Variants in EPS8L2 observed in about 807,000 individuals in gnomAD.
EPS8L2 encodes the protein EPS8 signaling adaptor L2.
A neutral mutation model predicts 99.4 loss-of-function variants in EPS8L2; 81 were observed. That is an observed-to-expected ratio of 0.82 (90% CI 0.68 to 0.98). EPS8L2 has a LOEUF of 0.98. Among genes scored for constraint, EPS8L2 ranks in the 50% least tolerant of loss-of-function variants. The pLI, the probability that EPS8L2 is intolerant of heterozygous loss-of-function variation, is 0.00. For missense variants in EPS8L2, 1,155 were observed against 968.8 expected (o/e 1.19, Z -2.55); for synonymous variants, 509 against 407.3 (o/e 1.25, Z -3.01).
In EPS8L2 at chr11:720,656, G is replaced by A. The variant is rs1168654741; in HGVS notation, c.387G>A (p.Gln129=). The change falls in exon 6 of 21, where the codon CAG becomes CAA. Residue 129 remains glutamine (Q), a synonymous_variant. Transcript: ENST00000318562. ...AGCGCAGCCAGACGGTCCTCAACCA[G>A]CTGCGCTACCCGTCTGTGCTGCTGC... ...TVQRSQTVLN[Q]LRYPSVLLLV... is the part of the protein sequence containing the mutation. 3 of 1,598,094 alleles carry A rather than the reference G, an allele frequency of 1.9e-6. No individual in the cohort carries two copies. The highest frequency in any genetic ancestry group is 1.3e-5 in the African/African-American group (1 of 74,838).
chr11:715,013 T>A lies in EPS8L2; in HGVS notation c.165+4527T>A, dbSNP rs368047196. Among the ~76,000 whole-genome samples, 93 of 152,036 alleles carry A rather than the reference T, an allele frequency of 6.1e-4. 1 individual carries two copies. The East Asian group carries it at 8.2e-3, about 13-fold the overall frequency. On this transcript the variant is annotated intron_variant, in intron 4 of 20. Transcript: ENST00000318562. ...ATCCCAGCACTTTGGGAGGCTGAGGTGGGCAGATCACAAGGTCAGGAGATC... is the reference window on the plus strand; with the variant it reads ...ATCCCAGCACTTTGGGAGGCTGAGGAGGGCAGATCACAAGGTCAGGAGATC...
At position 727,526 on chromosome 11, in the gene EPS8L2, C is replaced by G; in HGVS notation, c.*545C>G. On this transcript the variant is annotated 3_prime_UTR_variant, in exon 21 of 21. Coordinates refer to ENST00000318562, the MANE Select transcript of EPS8L2 (RefSeq NM_022772.4). ...CAAGGGCCGACAACGCAGGGGACAC[C>G]GTGCCGGCTTCAGACACTCCCAGCG... 6.5e-6 allele frequency: 1 copy of G among 153,320 alleles called. No homozygotes were observed. The highest frequency in any genetic ancestry group is 1.5e-5 in the Non-Finnish European group (1 of 68,536). 9.5% of individuals were successfully genotyped at this position (153,320 alleles called of 1,614,324 possible).
chr11:721,662 G>GGAA lies in EPS8L2; in HGVS notation c.874_876dup (p.Lys292dup), dbSNP rs753802954. The GGAA allele has an allele frequency of 6.3e-7, 1 of 1,588,362 alleles. No homozygotes were observed. Among genetic ancestry groups the GGAA allele is most frequent in the East Asian group, 2.2e-5 (1 of 44,610 alleles). On this transcript the variant is annotated inframe_insertion, in exon 10 of 21. Coordinates refer to ENST00000318562, the MANE Select transcript of EPS8L2 (RefSeq NM_022772.4). ...AAGCAGCTGAACCAGCGGAAAAAGGGGAAGAAGAAGGGCAAGAAGGCGCCA... is the reference window on the plus strand; with the variant it reads ...AAGCAGCTGAACCAGCGGAAAAAGGGGAAGAAGAAGAAGGGCAAGAAGGCGCCA...
Position 726,079 on chromosome 11 carries a change from T to C in EPS8L2, c.1681-19T>C. The stretch of plus-strand genomic sequence containing the variant: ...CGGGGGCGGGGCGTGGGGAGCCTAA[T>C]CGCCCCCCGCCCCCGCAGGCCGGTC... On this transcript the variant is annotated intron_variant, in intron 17 of 20. Coordinates refer to ENST00000318562, the MANE Select transcript of EPS8L2 (RefSeq NM_022772.4). The C allele has an allele frequency of 6.7e-7, 1 of 1,496,034 alleles. No individual in the cohort carries two copies. The highest frequency in any genetic ancestry group is 1.2e-5 in the South Asian group (1 of 84,432). The allele number at this position is 1,496,034 out of a possible 1,614,324, so 92.7% of individuals were successfully genotyped here.
chr11:722,049 C>T (rs779783861), intron 11 of EPS8L2, 42 bp from the exon 12 acceptor site: 1 of 1,606,876 alleles, frequency 6.2e-7, no homozygotes, highest in South Asian at 1.1e-5. Flanking sequence ...GGGTGGAGGC[C>T]CCGCCCCGCC....
chr11:726,789 C>A (rs1442117503), intron 20 of EPS8L2, 38 bp downstream of exon 20: 2 of 1,579,144 alleles, frequency 1.3e-6, no homozygotes, highest in African/African-American at 1.3e-5. Flanking sequence ...GCCCCTCCTG[C>A]CCCTGCGCCC....
chr11:715,153 A>G (rs1861988636), intron 4 of EPS8L2, among the ~76,000 whole-genome samples: 1 of 151,918 alleles, frequency 6.6e-6, no homozygotes, highest in African/African-American at 2.4e-5. Context: ...GAGGCAGGAG[A>G]ATGGCGTGAA....
chr11:708,297 G>A (rs1861785103), intron 1 of EPS8L2, among the ~76,000 whole-genome samples: 1 of 152,212 alleles, frequency 6.6e-6, no homozygotes, highest in Admixed American at 6.5e-5. Context: ...CTGGTTCAGG[G>A]CCATCAGGCT....
At position 722,169 on chromosome 11, in the gene EPS8L2, C is replaced by A; in HGVS notation, c.1059+4C>A. On this transcript the variant is annotated splice_donor_region_variant and intron_variant, in intron 12 of 20. Transcript: ENST00000318562. ...CCTCTTCGGGCCTCTGGACCTGGTG[C>A]CTGGGGCCGGGCGGCAGGGGCGCGC... is the stretch of plus-strand genomic sequence containing the variant. 6.2e-7 allele frequency: 1 copy of A among 1,611,730 alleles called. No individual in the cohort carries two copies. The highest frequency in any genetic ancestry group is 8.5e-7 in the Non-Finnish European group (1 of 1,179,394).
chr11:707,104 G>A (rs556503660), intron 1 of EPS8L2, among the ~76,000 whole-genome samples: 5 of 151,906 alleles, frequency 3.3e-5, no homozygotes, highest in Non-Finnish European at 5.9e-5. Context: ...CCCAGCTGGC[G>A]GCGGCCCCTC....
rs200547431 is a variant in EPS8L2 at position 722,057 on chromosome 11, G to T, written c.985-34G>T. On this transcript the variant is annotated intron_variant, in intron 11 of 20. Coordinates refer to ENST00000318562, the MANE Select transcript of EPS8L2 (RefSeq NM_022772.4). ...GAGGGGAGGGTGGAGGCCCCGCCCCGCCCCGGCACCTGCTCACTTGTTCCC... is the reference window on the plus strand; with the variant it reads ...GAGGGGAGGGTGGAGGCCCCGCCCCTCCCCGGCACCTGCTCACTTGTTCCC... 330 of 1,592,462 alleles carry T rather than the reference G, an allele frequency of 2.1e-4. 2 individuals are homozygous for T. The East Asian group carries it at 5.7e-3, about 27-fold the overall frequency.
chr11:716,331 G>T (rs1016282100), intron 4 of EPS8L2, among the ~76,000 whole-genome samples: 1 of 152,004 alleles, frequency 6.6e-6, no homozygotes, highest in African/African-American at 2.4e-5. Flanking sequence ...TGTGTTTTTA[G>T]TAGAGATAGG....
In EPS8L2 at chr11:709,466, C is replaced by T; in HGVS notation, c.44+15C>T. On this transcript the variant is annotated intron_variant, in intron 2 of 20. Transcript: ENST00000318562. ...GGTGCCACCAAGTGAGCCCTCCCAC[C>T]CATCCCGAATACCCCACCCTCACCC... The T allele has an allele frequency of 6.3e-7, 1 of 1,599,056 alleles. No homozygotes were observed. The highest frequency in any genetic ancestry group is 1.1e-5 in the South Asian group (1 of 88,696).
chr11:719,256 C>G (rs746213560), intron 4 of EPS8L2, among the ~76,000 whole-genome samples: 1 of 152,208 alleles, frequency 6.6e-6, no homozygotes, highest in Non-Finnish European at 1.5e-5. Context: ...TGTGAGCCAC[C>G]GCGCCCGGCC....
intron 4 of EPS8L2, among the ~76,000 whole-genome samples, chr11:713,809 G>C (rs530565181): frequency 6.6e-6 from 1 of 152,222 alleles, no homozygotes; most frequent in East Asian, 1.9e-4. Context: ...GCCTCCCAAA[G>C]TGGTGGGATT....
chr11:717,269 C>T (rs1404732966), intron 4 of EPS8L2, among the ~76,000 whole-genome samples: 1 of 152,234 alleles, frequency 6.6e-6, no homozygotes, highest in Non-Finnish European at 1.5e-5. Context: ...GCCACCGTGT[C>T]TGGCCCTGTG....
intron 16 of EPS8L2, 77 bp from the exon 17 acceptor site, chr11:725,651 C>A (rs564180651): frequency 5.4e-5 from 69 of 1,269,258 alleles, no homozygotes; most frequent in Admixed American, 4.1e-5. Context: ...CTCCCGACCT[C>A]TGTAAAGCGG....
intron 5 of EPS8L2, 62 bp downstream of exon 5, chr11:720,285 C>G: frequency 1.9e-6 from 3 of 1,565,466 alleles, no homozygotes; most frequent in Non-Finnish European, 2.6e-6. Context: ...CAGCCACCGG[C>G]TGCAGCCCGG....
At chr11:716,894 T>C (rs1862039906) in intron 4 of EPS8L2, among the ~76,000 whole-genome samples, 1 of 152,244 alleles carries the variant, frequency 6.6e-6, no homozygotes, top group Non-Finnish European at 1.5e-5. Context: ...TTTGGTTGTA[T>C]TGTGTGTTTC....
Sources: allele counts gnomAD v4.1 joint callset (sites outside exome capture counted in the v4.1 genomes callset), GRCh38; gene constraint gnomAD v4.1.1; transcripts MANE v1.5; gene names NCBI Gene and HGNC (gene_info 2026-07-23, HGNC 2026-07-21).